IGDCC3: variants seen among roughly 807,000 people sequenced by gnomAD.
The protein encoded by IGDCC3 is putative neuronal cell adhesion molecule.
IGDCC3 carries 47 observed loss-of-function variants against 72.0 expected under a neutral mutation model. The observed-to-expected ratio is 0.65, with a 90% CI of 0.52 to 0.83. The LOEUF is 0.83. Among genes scored for constraint, IGDCC3 ranks in the 40% least tolerant of loss-of-function variants. The probability of loss-of-function intolerance (pLI) is 0.00; values close to 1 mark genes in which losing one functional copy is unlikely to be tolerated. For synonymous variants in IGDCC3, 477 were observed against 472.8 expected (o/e 1.01, Z -0.11); for missense variants, 1,038 against 1,091.3 (o/e 0.95, Z 0.69).
At chr15:65,345,089 G>C (rs1016177385) in intron 2 of IGDCC3, among the ~76,000 whole-genome samples, 1 of 152,140 alleles carries the variant, frequency 6.6e-6, no homozygotes, top group Admixed American at 6.5e-5. Context: ...GGGAAATATA[G>C]TCATCTGTCC....
At chr15:65,358,315 A>G (rs2091239022) in intron 2 of IGDCC3, among the ~76,000 whole-genome samples, 1 of 152,026 alleles carries the variant, frequency 6.6e-6, no homozygotes, top group Non-Finnish European at 1.5e-5. Flanking sequence ...CATGTTGCCC[A>G]GGCTGGTCTC....
rs1054756543 is a variant in IGDCC3 at position 65,337,632 on chromosome 15, G to A, written c.410-1676C>T. Among the ~76,000 whole-genome samples the A allele has an allele frequency of 3.3e-5, 5 of 152,170 alleles. No homozygotes were observed. In the East Asian group the frequency reaches 9.6e-4, roughly 29 times the overall value. On this transcript the variant is annotated intron_variant, in intron 2 of 13. Transcript: ENST00000327987. Reference sequence around the variant, plus strand: ...CCAAAGGCTGTGTTTGGCCAAGGGAGGTAAGTAAGCCCAGGGACTTGGGGG... The same window carrying A: ...CCAAAGGCTGTGTTTGGCCAAGGGAAGTAAGTAAGCCCAGGGACTTGGGGG...
intron 5 of IGDCC3, 160 bp downstream of exon 5, chr15:65,334,568 G>A (rs2091008935): frequency 1.4e-6 from 1 of 700,548 alleles, no homozygotes; most frequent in African/African-American, 1.9e-5. Flanking sequence ...TCCAGGAGAG[G>A]GAAACTTACC....
intron 2 of IGDCC3, among the ~76,000 whole-genome samples, chr15:65,359,148 TC>T (rs1433049705): frequency 6.6e-6 from 1 of 152,182 alleles, no homozygotes; most frequent in East Asian, 1.9e-4. Flanking sequence ...TCTCTTCCTT[TC>T]CCAAACCCAA....
At chr15:65,370,438 C>T (rs941333675) in intron 2 of IGDCC3, among the ~76,000 whole-genome samples, 4 of 149,210 alleles carry the variant, frequency 2.7e-5, no homozygotes, top group East Asian at 2.0e-4. Flanking sequence ...TGCTTGAACC[C>T]GGGAGGCAGA....
chr15:65,357,881 GC>G (rs2140162097), intron 2 of IGDCC3, among the ~76,000 whole-genome samples: 1 of 152,256 alleles, frequency 6.6e-6, no homozygotes, highest in South Asian at 2.1e-4. Context: ...AGACCTATCT[GC>G]CTAGTTAGTC....
chr15:65,337,120 C>T (rs2091036982), intron 2 of IGDCC3, among the ~76,000 whole-genome samples: 1 of 152,212 alleles, frequency 6.6e-6, no homozygotes, highest in Non-Finnish European at 1.5e-5. Flanking sequence ...TCTCAGGCCC[C>T]CTCAATCCAC....
chr15:65,350,727 G>A (rs577928151), intron 2 of IGDCC3, among the ~76,000 whole-genome samples: 3 of 152,318 alleles, frequency 2.0e-5, no homozygotes, highest in South Asian at 2.1e-4. Context: ...CTCCCAAAAT[G>A]CTGGGATTAC....
At chr15:65,346,034 A>G (rs1390027693) in intron 2 of IGDCC3, among the ~76,000 whole-genome samples, 1 of 152,158 alleles carries the variant, frequency 6.6e-6, no homozygotes, top group African/African-American at 2.4e-5. Flanking sequence ...AACATGCTAG[A>G]CCCTTACTGC....
In IGDCC3 at chr15:65,330,762, C is replaced by T. The variant is rs761209391; in HGVS notation, c.1562-21G>A. 3.2e-6 allele frequency: 5 copies of T among 1,569,652 alleles called. No individual in the cohort carries two copies. The South Asian group carries it at 5.7e-5, about 18-fold the overall frequency. ...AGGGGCTGCAGGTAGAGAAGGAGGCCACGATGTGAGGACCCAGTGGAAGCT... is the reference window on the plus strand; with the variant it reads ...AGGGGCTGCAGGTAGAGAAGGAGGCTACGATGTGAGGACCCAGTGGAAGCT... On this transcript the variant is annotated intron_variant, in intron 9 of 13. Transcript: ENST00000327987.
chr15:65,367,451 A>G (rs1215029978), intron 2 of IGDCC3, among the ~76,000 whole-genome samples: 4 of 151,852 alleles, frequency 2.6e-5, no homozygotes, highest in Non-Finnish European at 5.9e-5. Context: ...TGGGTGCAGC[A>G]CACCAGCATG....
At position 65,356,848 on chromosome 15, in the gene IGDCC3, C is replaced by CTTTTTT. The variant is rs766472764; in HGVS notation, c.409+18243_409+18248dup. ...GATGTGAGATTTGAGAATGGACCTG[C>CTTTTTT]TTTTTTTTTTTTTTTTTTTGAGATG... is the stretch of plus-strand genomic sequence containing the variant. On this transcript the variant is annotated intron_variant, in intron 2 of 13. Coordinates refer to ENST00000327987, the MANE Select transcript of IGDCC3 (RefSeq NM_004884.4). Among the ~76,000 whole-genome samples the CTTTTTT allele has an allele frequency of 4.1e-4, 29 of 70,884 alleles. 6 individuals are homozygous for CTTTTTT. The highest frequency in any genetic ancestry group is 1.1e-3 in the African/African-American group (16 of 15,034). The allele number at this position is 70,884 out of a possible 152,430, so 46.5% of individuals were successfully genotyped here.
In IGDCC3 at chr15:65,328,705, G is replaced by A; in HGVS notation, c.*204C>T. The A allele has an allele frequency of 2.1e-6, 1 of 471,178 alleles. No individual in the cohort carries two copies. The highest frequency in any genetic ancestry group is 3.5e-6 in the Non-Finnish European group (1 of 286,098). The allele number at this position is 471,178 out of a possible 1,614,324, so 29.2% of individuals were successfully genotyped here. ...CCAGGGAAGGAACAGGCTCCTGCAG[G>A]AACTGCTCCAACTCCTGATGGGTGT... On this transcript the variant is annotated 3_prime_UTR_variant, in exon 14 of 14. Transcript: ENST00000327987.
In IGDCC3 at chr15:65,368,160, TCACACACACACACACA is replaced by T. The variant is rs57451250; in HGVS notation, c.409+6921_409+6936del. Among the ~76,000 whole-genome samples, 51 of 146,316 alleles carry T rather than the reference TCACACACACACACACA, an allele frequency of 3.5e-4. 1 individual carries two copies. Among genetic ancestry groups the T allele is most frequent in the Admixed American group, 2.6e-3 (39 of 14,834 alleles). On this transcript the variant is annotated intron_variant, in intron 2 of 13. Transcript: ENST00000327987. Reference sequence around the variant, plus strand: ...CTGTGGAAAACTCTCTCTCTTTCACTCACACACACACACACACACACACACACACACACACACACCA... The same window carrying T: ...CTGTGGAAAACTCTCTCTCTTTCACTCACACACACACACACACACACACCA...
At chr15:65,353,187 G>A (rs186821687) in intron 2 of IGDCC3, among the ~76,000 whole-genome samples, 42 of 150,346 alleles carry the variant, frequency 2.8e-4, no homozygotes, top group African/African-American at 1.0e-3. Context: ...CAGGACAAGC[G>A]TACTTTTTTT....
In IGDCC3 at chr15:65,329,103, C is replaced by A. The variant is rs12907128; in HGVS notation, c.2251G>T (p.Val751Leu). Residue 751 changes from valine (V) to leucine (L), a missense_variant, in exon 14 of 14, where the codon GTG becomes TTG. Transcript: ENST00000327987. This position sits in a 1 kb window ranked among gnomAD's most constrained non-coding sequence, Gnocchi z 4.1. ...PAPCEETQLS[V>L]LPLQGCGLME... The stretch of plus-strand genomic sequence containing the variant: ...AGGCCGCACCCCTGAAGTGGCAGCA[C>A]GGAGAGCTGGGTCTCCTCACACGGA... 958,572 of 1,608,566 alleles carry A rather than the reference C, an allele frequency of 0.6. 290,326 individuals carry two copies. Among genetic ancestry groups the A allele is most frequent in the East Asian group, 0.81 (36,053 of 44,718 alleles).
chr15:65,370,079 C>A (rs2091313454), intron 2 of IGDCC3, among the ~76,000 whole-genome samples: 1 of 152,134 alleles, frequency 6.6e-6, no homozygotes, highest in Non-Finnish European at 1.5e-5. Flanking sequence ...ACTGGACTTT[C>A]TCTCCTCTCC....
Position 65,328,803 on chromosome 15 carries a change from G to C in IGDCC3, c.*106C>G, listed in dbSNP as rs985085982. 12 of 1,351,688 alleles carry C rather than the reference G, an allele frequency of 8.9e-6. No individual in the cohort carries two copies. The African/African-American group carries it at 9.1e-5, about 10-fold the overall frequency. 83.7% of individuals were successfully genotyped at this position (1,351,688 alleles called of 1,614,324 possible). A position where few individuals can be genotyped will look rare whatever the true frequency, so the allele number is the denominator to read the frequency against. On this transcript the variant is annotated 3_prime_UTR_variant, in exon 14 of 14. Transcript: ENST00000327987. ...AAGAGGCAGTCAGGATAGAAATGCT[G>C]GGGAGCCCCCAGGACCATCCAAATC...
chr15:65,368,173 CACACA>C (rs2091300548), intron 2 of IGDCC3, among the ~76,000 whole-genome samples: 1 of 150,634 alleles, frequency 6.6e-6, no homozygotes, highest in Non-Finnish European at 1.5e-5. Flanking sequence ...CACACACACA[CACACA>C]CACACACACA....
Sources: gnomAD v4.1 joint callset for allele counts (sites outside exome capture counted in the v4.1 genomes callset) on GRCh38, gnomAD v4.1.1 for gene constraint, Gnocchi (gnomAD v3.1) non-coding constraint, MANE v1.5 for transcripts, NCBI Gene and HGNC (gene_info 2026-07-23, HGNC 2026-07-21) for gene names.